The following CTBP1 variants were observed in gnomAD, a reference collection of about 807,000 sequenced individuals.
CTBP1 encodes C-terminal-binding protein 1.
Under a neutral mutation model 42.1 loss-of-function variants are expected in CTBP1, and 11 were observed. That is an observed-to-expected ratio of 0.26 (90% CI 0.16 to 0.43). The LOEUF is 0.43. CTBP1 is among the 20% of genes least tolerant of loss of function. CTBP1 has a pLI of 1.00. For synonymous variants in CTBP1, 324 were observed against 277.1 expected (o/e 1.17, Z -1.68); for missense variants, 399 against 624.3 (o/e 0.64, Z 3.85).
chr4:1,230,418 C>T (rs1024464257), intron 3 of CTBP1, among the ~76,000 whole-genome samples: 1 of 152,228 alleles, frequency 6.6e-6, no homozygotes, highest in African/African-American at 2.4e-5. Flanking sequence ...GCAGATGAAG[C>T]TTCGTCGGCA....
At chr4:1,220,853 AGAG>A (rs1729658307) in intron 5 of CTBP1, among the ~76,000 whole-genome samples, 1 of 152,278 alleles carries the variant, frequency 6.6e-6, no homozygotes, top group Non-Finnish European at 1.5e-5. Flanking sequence ...CCCTGGACCT[AGAG>A]GTAGAAGCTT....
chr4:1,215,258 C>A (rs553548891), intron 6 of CTBP1, among the ~76,000 whole-genome samples: 3 of 152,392 alleles, frequency 2.0e-5, no homozygotes, highest in Non-Finnish European at 4.4e-5. Flanking sequence ...CCTCATCCTC[C>A]TTGTGGCTAC....
intron 1 of CTBP1, chr4:1,248,552 G>A: frequency 4.9e-6 from 2 of 411,388 alleles, no homozygotes; most frequent in Non-Finnish European, 6.5e-6. Flanking sequence ...ACGGGGTAGC[G>A]GCCGGGGATC....
At position 1,216,224 on chromosome 4, in the gene CTBP1, A is replaced by G. The variant is rs1464131936; in HGVS notation, c.515-19T>C. ...ACGCGACCTGGTGGCGTCAAGACACAGTGTGAGACCCTTGCTCACCCGTGG... is the reference window on the plus strand; with the variant it reads ...ACGCGACCTGGTGGCGTCAAGACACGGTGTGAGACCCTTGCTCACCCGTGG... On this transcript the variant is annotated intron_variant, in intron 5 of 9. Coordinates refer to ENST00000382952, the MANE Select transcript of CTBP1 (RefSeq NM_001012614.2). The G allele has an allele frequency of 6.2e-7, 1 of 1,604,078 alleles. No individual in the cohort carries two copies. Among genetic ancestry groups the G allele is most frequent in the East Asian group, 2.2e-5 (1 of 44,650 alleles).
chr4:1,229,616 G>A (rs1309271990), intron 3 of CTBP1, among the ~76,000 whole-genome samples: 1 of 152,234 alleles, frequency 6.6e-6, no homozygotes, highest in Non-Finnish European at 1.5e-5. Context: ...CCGGGCGGCA[G>A]TGCCTGGGTT....
At position 1,225,402 on chromosome 4, in the gene CTBP1, C is replaced by T. The variant is rs1348305467; in HGVS notation, c.472G>A (p.Ala158Thr). The T allele has an allele frequency of 2.6e-6, 4 of 1,566,666 alleles. No individual in the cohort carries two copies. Among genetic ancestry groups the T allele is most frequent in the African/African-American group, 1.4e-5 (1 of 73,660 alleles). The stretch of plus-strand genomic sequence containing the variant: ...AAGGTCTCCCCGCGGATCCTGGCAG[C>T]GCCGGACGCCACCTCGCGGATCTGC... Reference protein sequence around the residue: ...VEQIREVASGAARIRGETLGI... With the variant: ...VEQIREVASGTARIRGETLGI... The change falls in exon 5 of 10, where the codon GCT (alanine) becomes ACT (threonine). Residue 158 changes from alanine to threonine, a missense_variant. Ala to Thr is a moderately conservative substitution (Grantham distance 58). This residue lies in a region of CTBP1 where 309 missense variants were observed against 497.5 expected (regional missense o/e 0.62). Transcript: ENST00000382952.
Position 1,233,567 on chromosome 4 carries a change from A to G in CTBP1, c.162+4616T>C, listed in dbSNP as rs974828679. Among the ~76,000 whole-genome samples, 1 of 152,182 alleles carries G rather than the reference A, an allele frequency of 6.6e-6. No homozygotes were observed. Among genetic ancestry groups the G allele is most frequent in the East Asian group, 1.9e-4 (1 of 5,158 alleles). On this transcript the variant is annotated intron_variant, in intron 3 of 9. Coordinates refer to ENST00000382952, the MANE Select transcript of CTBP1 (RefSeq NM_001012614.2). The surrounding 1 kb of genome is among the most constrained non-coding windows in gnomAD (Gnocchi z 4.6). ...TGCTCAGCAGTTTGATCAGATGTGC[A>G]GTGCTGGGCTGAAAACCCTTCTCCT...
chr4:1,244,232 C>T (rs1242770761), intron 1 of CTBP1: 20 of 985,126 alleles, frequency 2.0e-5, no homozygotes, highest in East Asian at 1.1e-4. Context: ...CCCCGATCCA[C>T]GTGTGTGCTG....
At chr4:1,221,705 G>A (rs187754576) in intron 5 of CTBP1, 33 of 350,344 alleles carry the variant, frequency 9.4e-5, no homozygotes, top group East Asian at 4.7e-4. Flanking sequence ...AGCGGGACCC[G>A]GGTCCTCGCA....
At chr4:1,240,673 T>G (rs1181665839) in intron 2 of CTBP1, among the ~76,000 whole-genome samples, 5 of 151,332 alleles carry the variant, frequency 3.3e-5, no homozygotes, top group Non-Finnish European at 7.4e-5. Flanking sequence ...AGCTGAACGG[T>G]GGGGAGGGGG....
At position 1,226,396 on chromosome 4, in the gene CTBP1, G is replaced by A. The variant is rs139167432; in HGVS notation, c.308-830C>T. Among the ~76,000 whole-genome samples, 835 of 152,246 alleles carry A rather than the reference G, an allele frequency of 5.5e-3. 7 individuals are homozygous for A. The highest frequency in any genetic ancestry group is 0.015 in the African/African-American group (622 of 41,550). ...AGGACAGGGCTGCATTCATAGGCCCGGAAGCTGGACAGGACCGTGTGGTTC... is the reference window on the plus strand; with the variant it reads ...AGGACAGGGCTGCATTCATAGGCCCAGAAGCTGGACAGGACCGTGTGGTTC... On this transcript the variant is annotated intron_variant, in intron 4 of 9. Transcript: ENST00000382952.
At chr4:1,228,873 C>G (rs1374959695) in intron 3 of CTBP1, among the ~76,000 whole-genome samples, 1 of 152,226 alleles carries the variant, frequency 6.6e-6, no homozygotes, top group African/African-American at 2.4e-5. Flanking sequence ...GCAGACGCCA[C>G]CCAGCCGTAA....
chr4:1,232,289 A>T (rs1731042477), intron 3 of CTBP1, among the ~76,000 whole-genome samples: 1 of 152,036 alleles, frequency 6.6e-6, no homozygotes, highest in Non-Finnish European at 1.5e-5. Flanking sequence ...TTTATTTTTT[A>T]AATTTATTTT....
intron 1 of CTBP1, chr4:1,242,705 G>T (rs1051399352): frequency 2.0e-6 from 2 of 985,434 alleles, no homozygotes; most frequent in Non-Finnish European, 2.4e-6. Flanking sequence ...TGTGGAGCGG[G>T]ATCCCCATCA....
intron 1 of CTBP1, among the ~76,000 whole-genome samples, chr4:1,247,807 C>T (rs1467487233): frequency 6.6e-6 from 1 of 152,166 alleles, no homozygotes; most frequent in Admixed American, 6.5e-5. Context: ...CCCTGCGCAC[C>T]CGCCGCCTCG....
At chr4:1,243,733 C>G in intron 1 of CTBP1, 1 of 985,470 alleles carries the variant, frequency 1.0e-6, no homozygotes, top group Non-Finnish European at 1.2e-6. Flanking sequence ...GTCAAGGGCT[C>G]CAGCTCTGTA....
Position 1,245,555 on chromosome 4 carries a change from T to G in CTBP1, c.-189+3361A>C, listed in dbSNP as rs1325774543. ...ACCACAGACGGGCGGCAGGTCAGGG[T>G]GGCACAGGAGGGCACGGTGACACGG... On this transcript the variant is annotated intron_variant, in intron 1 of 9. Coordinates refer to ENST00000382952, the MANE Select transcript of CTBP1 (RefSeq NM_001012614.2). 5 of 980,464 alleles carry G rather than the reference T, an allele frequency of 5.1e-6. No individual in the cohort carries two copies. The African/African-American group carries it at 8.8e-5, about 17-fold the overall frequency. 60.7% of individuals were successfully genotyped at this position (980,464 alleles called of 1,614,324 possible).
intron 5 of CTBP1, among the ~76,000 whole-genome samples, chr4:1,222,714 G>A (rs545234962): frequency 1.3e-3 from 205 of 152,280 alleles, no homozygotes; most frequent in Non-Finnish European, 2.3e-3. Flanking sequence ...CACTCAGCAC[G>A]GGGCCCTGGG....
chr4:1,237,658 G>T (rs1731690357), intron 3 of CTBP1: 4 of 462,542 alleles, frequency 8.6e-6, no homozygotes, highest in Admixed American at 5.4e-5. Context: ...ACCTCCTGAT[G>T]GGGCTCAGGA....
Sources: allele counts gnomAD v4.1 joint callset (sites outside exome capture counted in the v4.1 genomes callset), GRCh38; gene constraint gnomAD v4.1.1; regional missense constraint gnomAD v4.1.1; non-coding constraint Gnocchi (gnomAD v3.1); transcripts MANE v1.5; gene names NCBI Gene and HGNC (gene_info 2026-07-23, HGNC 2026-07-21).